Variants in HDAC7 observed in about 807,000 individuals in gnomAD.
The protein encoded by HDAC7 is histone deacetylase 7A.
A neutral mutation model predicts 115.5 loss-of-function variants in HDAC7; 26 were observed. The ratio of observed to expected loss-of-function variants is 0.23; its 90% confidence interval spans 0.16 to 0.31. The LOEUF is 0.31. Ranked by LOEUF, HDAC7 falls within the 10% of genes least tolerant of loss-of-function variation. HDAC7 has a pLI of 1.00. For synonymous variants in HDAC7, 564 were observed against 550.9 expected (o/e 1.02, Z -0.33); for missense variants, 1,068 against 1,329.0 (o/e 0.80, Z 3.05).
In HDAC7 at chr12:47,796,228, G is replaced by C; in HGVS notation, c.774C>G (p.Pro258=). The change falls in exon 8 of 26, where the codon CCC becomes CCG. Residue 258 remains proline (P), a synonymous_variant. Transcript: ENST00000080059. ...CSSPNDSEHG[P]NPILGSEALL... ...TTACCTCCGAGCCCAGGATGGGATT[G>C]GGGCCGTGCTCGCTGTCATTGGGGG... The C allele has an allele frequency of 1.2e-6, 2 of 1,607,772 alleles. No individual in the cohort carries two copies. The highest frequency in any genetic ancestry group is 1.7e-6 in the Non-Finnish European group (2 of 1,178,258).
In HDAC7 at chr12:47,819,777, G is replaced by T. The variant is rs1469344901; in HGVS notation, c.9C>A (p.Ser3Arg). MH[S>R]PGADGTQVSP... ...CCGCCCAGTACTCACCAGCGCCGGG[G>T]CTGTGCATCCAGGGGCCGGGGCCCT... The change falls in exon 1 of 26, where the codon AGC becomes AGA. Residue 3 changes from serine to arginine, a missense_variant. By Grantham distance (110) the Ser-to-Arg change is moderately radical. Around this residue, in one of 6 missense-constraint regions of HDAC7, gnomAD observed 161 missense variants for 158.5 expected, o/e 1.02. Transcript: ENST00000080059. 3 of 823,210 alleles carry T rather than the reference G, an allele frequency of 3.6e-6. No homozygotes were observed. The highest frequency in any genetic ancestry group is 1.9e-5 in the African/African-American group (1 of 53,880). The allele number at this position is 823,210 out of a possible 1,614,324, so 51.0% of individuals were successfully genotyped here.
intron 1 of HDAC7, among the ~76,000 whole-genome samples, chr12:47,815,468 A>G (rs1000187103): frequency 6.6e-6 from 1 of 152,180 alleles, no homozygotes; most frequent in East Asian, 1.9e-4. Flanking sequence ...CTATTTCCTC[A>G]AAAGAAAAAA....
chr12:47,804,557 C>A (rs1170165710), intron 1 of HDAC7, among the ~76,000 whole-genome samples: 1 of 151,624 alleles, frequency 6.6e-6, no homozygotes. Context: ...TAAATGGACC[C>A]AAGGTACCAG....
At position 47,798,229 on chromosome 12, in the gene HDAC7, CAG is replaced by C; in HGVS notation, c.350-12_350-11del. 6.2e-7 allele frequency: 1 copy of C among 1,607,302 alleles called. No individual in the cohort carries two copies. Among genetic ancestry groups the C allele is most frequent in the Non-Finnish European group, 8.5e-7 (1 of 1,174,180 alleles). The stretch of plus-strand genomic sequence containing the variant: ...CTGCTGGCTACAGCACCTGTAGGGG[CAG>C]AGTCAGGAGGGGGCTGGAGGTGGGT... On this transcript the variant is annotated splice_polypyrimidine_tract_variant and intron_variant, in intron 4 of 25. Coordinates refer to ENST00000080059, the MANE Select transcript of HDAC7 (RefSeq NM_015401.5). The surrounding 1 kb of genome is among the most constrained non-coding windows in gnomAD (Gnocchi z 4.3).
intron 1 of HDAC7, among the ~76,000 whole-genome samples, chr12:47,813,208 C>G (rs1386030891): frequency 6.9e-6 from 1 of 145,148 alleles, no homozygotes; most frequent in African/African-American, 2.5e-5. Context: ...CCACCCCCCG[C>G]CCCAGCCGGG....
chr12:47,805,241 T>G (rs954978946), intron 1 of HDAC7, among the ~76,000 whole-genome samples: 6 of 151,806 alleles, frequency 4.0e-5, no homozygotes, highest in Admixed American at 2.6e-4. Flanking sequence ...GGCTAAATTT[T>G]TTTTGTTTTG....
intron 1 of HDAC7, among the ~76,000 whole-genome samples, chr12:47,804,990 T>A (rs1380782726): frequency 6.6e-6 from 1 of 152,008 alleles, no homozygotes; most frequent in Non-Finnish European, 1.5e-5. Context: ...AGGAGCTTCA[T>A]GTCTTCAGTG....
chr12:47,798,256 T>A lies in HDAC7; in HGVS notation c.350-37A>T. 1 of 1,525,390 alleles carries A rather than the reference T, an allele frequency of 6.6e-7. No individual in the cohort carries two copies. The highest frequency in any genetic ancestry group is 9.1e-7 in the Non-Finnish European group (1 of 1,100,880). The allele number at this position is 1,525,390 out of a possible 1,614,324, so 94.5% of individuals were successfully genotyped here. On this transcript the variant is annotated intron_variant, in intron 4 of 25. Transcript: ENST00000080059. The surrounding 1 kb of genome is among the most constrained non-coding windows in gnomAD (Gnocchi z 4.3). ...GAGTCAGGAGGGGGCTGGAGGTGGG[T>A]GGACAGGCGGCCTCGTGGCACTACC... is the stretch of plus-strand genomic sequence containing the variant.
At chr12:47,784,795 G>C (rs1592623192) in intron 24 of HDAC7, 1 of 1,535,092 alleles carries the variant, frequency 6.5e-7, no homozygotes, top group Non-Finnish European at 8.7e-7. Flanking sequence ...CAGTGTGAGG[G>C]CACCCACCGT....
intron 1 of HDAC7, among the ~76,000 whole-genome samples, chr12:47,806,775 ACATG>A (rs1351552268): frequency 1.3e-5 from 2 of 152,190 alleles, no homozygotes; most frequent in Non-Finnish European, 2.9e-5. Flanking sequence ...TGCACCCAGC[ACATG>A]GTGGGTGCTC....
At chr12:47,791,441 G>A (rs994522101) in intron 15 of HDAC7, 133 bp from the exon 16 acceptor site, 3 of 1,375,776 alleles carry the variant, frequency 2.2e-6, no homozygotes, top group Middle Eastern at 1.8e-4. Context: ...GTGGAGGTGG[G>A]CTGAGGAGGG....
rs1187006992 is a variant in HDAC7 at position 47,791,241 on chromosome 12, A to G, written c.1983+18T>C. On this transcript the variant is annotated intron_variant, in intron 16 of 25. Transcript: ENST00000080059. ...AGAGCCCTGGCAACGCCCCCCTGAG[A>G]CCCCTGGGCACACTTACCCCAACCC... 2.5e-6 allele frequency: 4 copies of G among 1,591,408 alleles called. No homozygotes were observed. Among genetic ancestry groups the G allele is most frequent in the Non-Finnish European group, 2.6e-6 (3 of 1,168,868 alleles).
intron 24 of HDAC7, chr12:47,784,927 A>G (rs559776528): frequency 7.6e-6 from 5 of 657,234 alleles, no homozygotes; most frequent in South Asian, 5.8e-5. Flanking sequence ...GTCTTGACAT[A>G]AGATGCTCAA....
At chr12:47,784,276 C>T in intron 24 of HDAC7, 59 bp from the exon 25 acceptor site, 1 of 1,523,944 alleles carries the variant, frequency 6.6e-7, no homozygotes, top group Non-Finnish European at 8.8e-7. Context: ...CACACTGCGT[C>T]CTAGACCGGA....
intron 24 of HDAC7, 142 bp downstream of exon 24, chr12:47,785,245 G>T: frequency 1.4e-6 from 1 of 706,864 alleles, no homozygotes; most frequent in Non-Finnish European, 2.4e-6. Context: ...TTGCTGCCTG[G>T]GTCACTCACA....
intron 13 of HDAC7, chr12:47,792,426 AG>A (rs1943580833): frequency 2.9e-6 from 1 of 345,286 alleles, no homozygotes; most frequent in African/African-American, 2.1e-5. Flanking sequence ...GGGCAGCAGG[AG>A]GGAAAAGAAT....
intron 1 of HDAC7, among the ~76,000 whole-genome samples, chr12:47,807,128 C>T (rs1462047460): frequency 3.3e-5 from 5 of 152,106 alleles, no homozygotes; most frequent in Non-Finnish European, 4.4e-5. Flanking sequence ...TTAGTAGAGA[C>T]GGTGTTTTGC....
chr12:47,809,190 C>A (rs1173962602), intron 1 of HDAC7, among the ~76,000 whole-genome samples: 2 of 152,156 alleles, frequency 1.3e-5, no homozygotes, highest in Admixed American at 1.3e-4. Flanking sequence ...CTAGGGGCGG[C>A]TCCTTCTCCC....
In HDAC7 at chr12:47,798,181, C is replaced by G. The variant is rs1194733124; in HGVS notation, c.388G>C (p.Glu130Gln). 6.2e-7 allele frequency: 1 copy of G among 1,613,700 alleles called. No homozygotes were observed. ...ASSVVKQKLA[E>Q]VILKKQQAAL... ...GCCTGCTGTTTTTTCAGAATCACCT[C>G]CGCTAGCTTCTGCTTGACCACGCTG... is the stretch of plus-strand genomic sequence containing the variant. The change falls in exon 5 of 26, where the codon GAG becomes CAG. Residue 130 changes from glutamate (E) to glutamine (Q), a missense_variant. Glu to Gln is a conservative substitution (Grantham distance 29). Around this residue, in one of 6 missense-constraint regions of HDAC7, gnomAD observed 7 missense variants for 23.0 expected, o/e 0.30. Transcript: ENST00000080059. This position sits in a 1 kb window ranked among gnomAD's most constrained non-coding sequence, Gnocchi z 4.3.
Sources: allele counts gnomAD v4.1 joint callset (sites outside exome capture counted in the v4.1 genomes callset), GRCh38; gene constraint gnomAD v4.1.1; regional missense constraint gnomAD v4.1.1; non-coding constraint Gnocchi (gnomAD v3.1); transcripts MANE v1.5; gene names NCBI Gene and HGNC (gene_info 2026-07-23, HGNC 2026-07-21).